Variants in FBLN2 observed in about 807,000 individuals in gnomAD.
FBLN2 encodes the protein fibulin-2.
FBLN2 carries 81 observed loss-of-function variants against 123.7 expected under a neutral mutation model. The ratio of observed to expected loss-of-function variants is 0.65; its 90% CI spans 0.55 to 0.79. The LOEUF is 0.79. Among genes scored for constraint, FBLN2 ranks in the 30% least tolerant of loss-of-function variants. The probability of loss-of-function intolerance (pLI) is 0.00; values close to 1 mark genes in which losing one functional copy is unlikely to be tolerated. For missense variants in FBLN2, 1,603 were observed against 1,681.3 expected (o/e 0.95, Z 0.81); for synonymous variants, 699 against 701.4 (o/e 1.00, Z 0.05).
At chr3:13,573,776 G>A (rs1320245023) in intron 2 of FBLN2, among the ~76,000 whole-genome samples, 2 of 151,594 alleles carry the variant, frequency 1.3e-5, no homozygotes, top group South Asian at 2.1e-4. Context: ...GGTGGCAGGC[G>A]CCCGTAATCC....
chr3:13,614,901 T>TCC (rs1705540875), intron 5 of FBLN2, among the ~76,000 whole-genome samples: 5 of 139,700 alleles, frequency 3.6e-5, no homozygotes, highest in South Asian at 2.3e-4. Context: ...TCTATTCATC[T>TCC]ATCCATCCAT....
intron 1 of FBLN2, among the ~76,000 whole-genome samples, chr3:13,551,618 C>T (rs762495257): frequency 5.1e-4 from 77 of 152,098 alleles, no homozygotes; most frequent in Non-Finnish European, 9.1e-4. Context: ...TCTCCTTGGC[C>T]GTGGGGGGAG....
At chr3:13,616,487 G>A (rs1405519741) in intron 5 of FBLN2, among the ~76,000 whole-genome samples, 1 of 152,228 alleles carries the variant, frequency 6.6e-6, no homozygotes, top group Non-Finnish European at 1.5e-5. Flanking sequence ...TGCCTGCAGT[G>A]CTGAGTCTCT....
At chr3:13,593,599 A>G (rs879784368) in intron 2 of FBLN2, among the ~76,000 whole-genome samples, 1 of 151,898 alleles carries the variant, frequency 6.6e-6, no homozygotes, top group Non-Finnish European at 1.5e-5. Flanking sequence ...CTGTAGTCCC[A>G]GCTACTCGGG....
intron 2 of FBLN2, among the ~76,000 whole-genome samples, chr3:13,588,844 C>T (rs1399781603): frequency 1.3e-5 from 2 of 152,154 alleles, no homozygotes; most frequent in African/African-American, 4.8e-5. Context: ...TTAAATATCT[C>T]TTATTAAACT....
At chr3:13,617,184 A>G (rs1463171760) in intron 5 of FBLN2, among the ~76,000 whole-genome samples, 1 of 151,434 alleles carries the variant, frequency 6.6e-6, no homozygotes, top group Non-Finnish European at 1.5e-5. Context: ...CCATCTATCC[A>G]TCCATCCATC....
chr3:13,609,165 G>A (rs1320179451), intron 3 of FBLN2, among the ~76,000 whole-genome samples: 2 of 152,348 alleles, frequency 1.3e-5, no homozygotes, highest in East Asian at 3.9e-4. Flanking sequence ...CAGTGACCAG[G>A]GACCCGGAGG....
At chr3:13,612,710 A>C (rs946029601) in intron 4 of FBLN2, among the ~76,000 whole-genome samples, 4 of 152,094 alleles carry the variant, frequency 2.6e-5, no homozygotes, top group African/African-American at 7.2e-5. Flanking sequence ...CAGCTTTTCT[A>C]TCTATAAAAT....
chr3:13,625,707 T>C (rs1706013339), intron 9 of FBLN2, among the ~76,000 whole-genome samples: 1 of 151,986 alleles, frequency 6.6e-6, no homozygotes, highest in Admixed American at 6.6e-5. Flanking sequence ...TCCCAGCCCA[T>C]TGAAGGTAGT....
chr3:13,576,725 C>A (rs977985030), intron 2 of FBLN2, among the ~76,000 whole-genome samples: 3 of 151,816 alleles, frequency 2.0e-5, no homozygotes, highest in East Asian at 1.9e-4. Flanking sequence ...GGGGATCCCC[C>A]CCCCCCGGGT....
rs112067259 is a variant in FBLN2, at chr3:13,628,135, G to T, written c.2569+166G>T. Reference sequence around the variant, plus strand: ...ATGGGCATGTCAAGTGTTCAACCCTGGGGGCACCACTGTCCCCAAAGTGTA... The same window carrying T: ...ATGGGCATGTCAAGTGTTCAACCCTTGGGGCACCACTGTCCCCAAAGTGTA... On this transcript the variant is annotated intron_variant, in intron 11 of 17. Transcript: ENST00000404922. 3.8e-3 allele frequency among the ~76,000 whole-genome samples: 581 copies of T among 152,294 alleles called. 3 individuals are homozygous for T. Among genetic ancestry groups the T allele is most frequent in the African/African-American group, 0.014 (568 of 41,560 alleles).
In FBLN2 at chr3:13,570,477, T is replaced by G; in HGVS notation, c.122T>G (p.Leu41Arg). 3.8e-6 allele frequency: 6 copies of G among 1,582,136 alleles called. No homozygotes were observed. Among genetic ancestry groups the G allele is most frequent in the Non-Finnish European group, 5.1e-6 (6 of 1,165,264 alleles). The change falls in exon 2 of 18, where the codon CTG becomes CGG. Residue 41 changes from leucine to arginine, a missense_variant. Leu to Arg is a moderately radical substitution (Grantham distance 102, BLOSUM62 -2). Coordinates refer to ENST00000404922, the MANE Select transcript of FBLN2 (RefSeq NM_001004019.2). ...QDCTGVECPPLENCIEEALEP... is the reference protein window; with the variant it reads ...QDCTGVECPPRENCIEEALEP... ...TGCACGGGCGTGGAGTGCCCGCCGC[T>G]GGAGAACTGCATTGAGGAGGCGCTG... is the stretch of plus-strand genomic sequence containing the variant.
At chr3:13,636,690 C>A in intron 17 of FBLN2, 122 bp downstream of exon 17, 1 of 1,255,456 alleles carries the variant, frequency 8.0e-7, no homozygotes, top group Non-Finnish European at 1.1e-6. Flanking sequence ...CCCCTGACTG[C>A]TGGGTCTGTG....
rs1234577284 is a variant in FBLN2, at chr3:13,621,933, C to G, written c.2296+18C>G. 1 of 1,605,766 alleles carries G rather than the reference C, an allele frequency of 6.2e-7. No individual in the cohort carries two copies. The highest frequency in any genetic ancestry group is 1.1e-5 in the South Asian group (1 of 90,716). Reference sequence around the variant, plus strand: ...GTGCGTGGGTAAGCCAGGGCCCCGCCTGCCGCCCGCCGTCACAGCTCTCCG... The same window carrying G: ...GTGCGTGGGTAAGCCAGGGCCCCGCGTGCCGCCCGCCGTCACAGCTCTCCG... On this transcript the variant is annotated intron_variant, in intron 9 of 17. Coordinates refer to ENST00000404922, the MANE Select transcript of FBLN2 (RefSeq NM_001004019.2).
At chr3:13,614,775 G>A (rs879490469) in intron 5 of FBLN2, among the ~76,000 whole-genome samples, 16 of 148,176 alleles carry the variant, frequency 1.1e-4, no homozygotes, top group Non-Finnish European at 2.1e-4. Flanking sequence ...TCATCCATCC[G>A]TTTGTTTATC....
At chr3:13,583,186 C>T (rs1263297787) in intron 2 of FBLN2, among the ~76,000 whole-genome samples, 4 of 152,390 alleles carry the variant, frequency 2.6e-5, no homozygotes, top group East Asian at 3.9e-4. Context: ...AGTCTGCATG[C>T]GGGGCCCTCT....
At chr3:13,628,423 A>G (rs888527501) in intron 11 of FBLN2, among the ~76,000 whole-genome samples, 1 of 152,148 alleles carries the variant, frequency 6.6e-6, no homozygotes, top group African/African-American at 2.4e-5. Flanking sequence ...GAGACCTCCT[A>G]GAGTGATTCC....
Position 13,619,001 on chromosome 3 carries a change from G to A in FBLN2, c.2037G>A (p.Gln679=). The A allele has an allele frequency of 6.2e-7, 1 of 1,611,380 alleles. No homozygotes were observed. Among genetic ancestry groups the A allele is most frequent in the Non-Finnish European group, 8.5e-7 (1 of 1,178,900 alleles). The change falls in exon 7 of 18, where the codon CAG becomes CAA. Residue 679 remains glutamine, a synonymous_variant. Transcript: ENST00000404922. ...ASNTIPLPLP[Q]PNTCKDNGPC... ...ACACCATCCCGCTGCCACTGCCGCA[G>A]CCCAATACCTGCAAAGGTAAGCAGT...
At position 13,623,257 on chromosome 3, in the gene FBLN2, G is replaced by A. The variant is rs3773261; in HGVS notation, c.2296+1342G>A. 4.8e-3 allele frequency among the ~76,000 whole-genome samples: 730 copies of A among 152,314 alleles called. 21 individuals are homozygous for A. The highest frequency in any genetic ancestry group is 0.033 in the East Asian group (169 of 5,176). ...GAAGGCGGATCCCACCAGGGCCCAC[G>A]AGCACCCCTCCCATGATGCCCTGCC... On this transcript the variant is annotated intron_variant, in intron 9 of 17. Transcript: ENST00000404922.
Sources: gnomAD v4.1 joint callset for allele counts (sites outside exome capture counted in the v4.1 genomes callset) on GRCh38, gnomAD v4.1.1 for gene constraint, MANE v1.5 for transcripts, NCBI Gene and HGNC (gene_info 2026-07-23, HGNC 2026-07-21) for gene names.